NFILZ: variants seen among roughly 807,000 people sequenced by gnomAD.
The protein encoded by NFILZ is NFIL3 like basic leucine zipper, also known as NFIL3 like protein.
intron 3 of NFILZ, among the ~76,000 whole-genome samples, chr19:8,664,508 C>T (rs1395864333): frequency 1.3e-5 from 2 of 152,130 alleles, no homozygotes; most frequent in African/African-American, 2.4e-5. Context: ...GCCACGGCTC[C>T]CAGGGTGCCT....
intron 4 of NFILZ, among the ~76,000 whole-genome samples, chr19:8,675,741 T>G (rs2043107512): frequency 6.6e-6 from 1 of 152,340 alleles, no homozygotes; most frequent in African/African-American, 2.4e-5. Flanking sequence ...CACTCCAGCT[T>G]GGGTGACAGT....
rs539732614 is a variant in NFILZ at position 8,643,897 on chromosome 19, TATTG to T, written c.-164+8155_-164+8158del. On this transcript the variant is annotated intron_variant, in intron 3 of 5. Coordinates refer to ENST00000691075, the MANE Select transcript of NFILZ (RefSeq NM_001378600.1). ...CTCTCTCTCCACCTTTCTGATCAGC[TATTG>T]ATTTTGTTTCTTGGGAGAACTCTGA... 1.3e-4 allele frequency among the ~76,000 whole-genome samples: 20 copies of T among 152,262 alleles called. No homozygotes were observed. The South Asian group carries it at 4.1e-3, about 32-fold the overall frequency.
rs528474806 is a variant in NFILZ at position 8,657,429 on chromosome 19, C to T, written c.-163-17122C>T. On this transcript the variant is annotated intron_variant, in intron 3 of 5. Coordinates refer to ENST00000691075, the MANE Select transcript of NFILZ (RefSeq NM_001378600.1). ...GCGATTGCTTTTGTCTGCAGGGGGT[C>T]GTTGGGGACTCTGGCTGCTGCAGGG... 2.2e-4 allele frequency among the ~76,000 whole-genome samples: 33 copies of T among 152,098 alleles called. 1 individual carries two copies. The South Asian group carries it at 6.7e-3, about 31-fold the overall frequency.
At chr19:8,653,293 C>T (rs1247687340) in intron 3 of NFILZ, among the ~76,000 whole-genome samples, 5 of 152,030 alleles carry the variant, frequency 3.3e-5, no homozygotes, top group Non-Finnish European at 5.9e-5. Context: ...GTTGGCCAGT[C>T]TGGCCTCGAA....
At chr19:8,653,040 C>CTTTCTT (rs1263390932) in intron 3 of NFILZ, among the ~76,000 whole-genome samples, 83 of 63,212 alleles carry the variant, frequency 1.3e-3, no homozygotes, top group Admixed American at 3.6e-3. Flanking sequence ...TTCTTTCTTT[C>CTTTCTT]TCTCTCTCTC....
chr19:8,654,059 G>C (rs1032123739), intron 3 of NFILZ, among the ~76,000 whole-genome samples: 1 of 152,012 alleles, frequency 6.6e-6, no homozygotes, highest in African/African-American at 2.4e-5. Context: ...GTGAAACCCT[G>C]TCTGTACTAA....
chr19:8,663,730 G>GTGTGTGTGTGTGTGTGTA (rs2043045171), intron 3 of NFILZ, among the ~76,000 whole-genome samples: 1 of 77,316 alleles, frequency 1.3e-5, no homozygotes, highest in African/African-American at 7.6e-5. Context: ...GTTTGTGTGT[G>GTGTGTGTGTGTGTGTGTA]TGTGTGTGTG....
intron 3 of NFILZ, among the ~76,000 whole-genome samples, chr19:8,654,845 C>A (rs888616716): frequency 6.6e-6 from 1 of 152,114 alleles, no homozygotes; most frequent in African/African-American, 2.4e-5. Flanking sequence ...CAATCTGCAG[C>A]GTGGCTCGGC....
Position 8,678,089 on chromosome 19 carries a change from CA to C in NFILZ, c.*455del, listed in dbSNP as rs2043122698. On this transcript the variant is annotated 3_prime_UTR_variant, in exon 6 of 6. Coordinates refer to ENST00000691075, the MANE Select transcript of NFILZ (RefSeq NM_001378600.1). ...TCATCCATCCATCAATCCATCCATCCATTCCATCCATCCATCCATCCATCCA... is the reference window on the plus strand; with the variant it reads ...TCATCCATCCATCAATCCATCCATCCTTCCATCCATCCATCCATCCATCCA... 1.3e-4 allele frequency among the ~76,000 whole-genome samples: 7 copies of C among 55,670 alleles called. No individual in the cohort carries two copies. Among genetic ancestry groups the C allele is most frequent in the Non-Finnish European group, 1.5e-4 (4 of 26,554 alleles). The allele number at this position is 55,670 out of a possible 152,430, so 36.5% of individuals were successfully genotyped here. A position where few individuals can be genotyped will look rare whatever the true frequency, so the allele number is the denominator to read the frequency against.
chr19:8,675,989 A>G (rs1236721157), intron 4 of NFILZ, among the ~76,000 whole-genome samples: 12 of 152,242 alleles, frequency 7.9e-5, no homozygotes, highest in African/African-American at 2.9e-4. Context: ...TGAATCTCTC[A>G]GTGAATCAAT....
At position 8,653,039 on chromosome 19, in the gene NFILZ, T is replaced by TCTCC. The variant is rs2042975511; in HGVS notation, c.-164+17296_-164+17297insCCTC. Among the ~76,000 whole-genome samples, 142 of 77,342 alleles carry TCTCC rather than the reference T, an allele frequency of 1.8e-3. 1 individual carries two copies. Among genetic ancestry groups the TCTCC allele is most frequent in the Admixed American group, 2.4e-3 (17 of 6,968 alleles). The allele number at this position is 77,342 out of a possible 152,430, so 50.7% of individuals were successfully genotyped here. On this transcript the variant is annotated intron_variant, in intron 3 of 5. Coordinates refer to ENST00000691075, the MANE Select transcript of NFILZ (RefSeq NM_001378600.1). ...TTCTTTCTTTCTTTCTTTCTTTCTT[T>TCTCC]CTCTCTCTCTCTCTCTCTCTCTCTC...
At chr19:8,660,085 T>C (rs2043022736) in intron 3 of NFILZ, among the ~76,000 whole-genome samples, 1 of 152,218 alleles carries the variant, frequency 6.6e-6, no homozygotes, top group East Asian at 1.9e-4. Context: ...AAAGGCGCTT[T>C]TGGGACCTGC....
intron 3 of NFILZ, among the ~76,000 whole-genome samples, chr19:8,657,120 G>A (rs1240745342): frequency 1.3e-5 from 2 of 151,946 alleles, no homozygotes; most frequent in Non-Finnish European, 2.9e-5. Flanking sequence ...TCGCTCCGGT[G>A]GGAGGTCCAA....
intron 3 of NFILZ, among the ~76,000 whole-genome samples, chr19:8,655,190 G>A (rs1430615372): frequency 6.6e-6 from 1 of 152,186 alleles, no homozygotes; most frequent in Non-Finnish European, 1.5e-5. Flanking sequence ...CAATCTGAAA[G>A]GCAATGGGGA....
At chr19:8,669,102 C>G (rs2043075562) in intron 3 of NFILZ, among the ~76,000 whole-genome samples, 1 of 152,116 alleles carries the variant, frequency 6.6e-6, no homozygotes. Flanking sequence ...CACTACCATG[C>G]CCGGCTAATT....
rs2042994095 is a variant in NFILZ, at chr19:8,656,286, C to CGCAGCG, written c.-163-18265_-163-18264insGCAGCG. Among the ~76,000 whole-genome samples the CGCAGCG allele has an allele frequency of 3.9e-3, 411 of 105,768 alleles. 30 individuals carry two copies. Among genetic ancestry groups the CGCAGCG allele is most frequent in the South Asian group, 0.012 (30 of 2,418 alleles). 69.4% of individuals were successfully genotyped at this position (105,768 alleles called of 152,430 possible). ...CTTCTCTCTGAAGCCCACCTTCTCC[C>CGCAGCG]CACAGCCCACCTCCTCCCGCAGCGC... On this transcript the variant is annotated intron_variant, in intron 3 of 5. Coordinates refer to ENST00000691075, the MANE Select transcript of NFILZ (RefSeq NM_001378600.1).
chr19:8,633,397 A>T, intron 2 of NFILZ, among the ~76,000 whole-genome samples: 1 of 152,126 alleles, frequency 6.6e-6, no homozygotes, highest in East Asian at 1.9e-4. Flanking sequence ...CGGGGGACCT[A>T]AGAACCCTCT....
intron 3 of NFILZ, among the ~76,000 whole-genome samples, chr19:8,654,674 GAAAT>G (rs1191746448): frequency 2.6e-5 from 4 of 152,140 alleles, no homozygotes; most frequent in African/African-American, 9.7e-5. Context: ...AAAAGAAAAA[GAAAT>G]AAATATCTGT....
intron 3 of NFILZ, among the ~76,000 whole-genome samples, chr19:8,641,998 CT>C (rs1371656409): frequency 6.6e-6 from 1 of 151,678 alleles, no homozygotes; most frequent in South Asian, 2.1e-4. Flanking sequence ...CCAGCTAGTA[CT>C]TTTTTTTACA....
Sources: gnomAD v4.1 joint callset for allele counts (sites outside exome capture counted in the v4.1 genomes callset) on GRCh38, gnomAD v4.1.1 for gene constraint, MANE v1.5 for transcripts, NCBI Gene and HGNC (gene_info 2026-07-23, HGNC 2026-07-21) for gene names.